CHMP4B: variants seen among roughly 807,000 people sequenced by gnomAD.
CHMP4B encodes the protein charged multivesicular body protein 4B.
In CHMP4B, 1 loss-of-function variant was observed where a neutral mutation model predicts 25.1. That is an observed-to-expected ratio of 0.04 (90% CI 0.01 to 0.19). CHMP4B has a LOEUF of 0.19. CHMP4B is among the 10% of genes least tolerant of loss of function. The pLI is 1.00. For missense variants in CHMP4B, 151 were observed against 289.7 expected (o/e 0.52, Z 3.48); for synonymous variants, 101 against 115.6 (o/e 0.87, Z 0.81).
At chr20:33,841,489 A>C (rs1362101124) in intron 1 of CHMP4B, among the ~76,000 whole-genome samples, 3 of 152,240 alleles carry the variant, frequency 2.0e-5, no homozygotes, top group Non-Finnish European at 4.4e-5. Flanking sequence ...AGCCTGCGAC[A>C]GTGTCAGAGC....
At position 33,853,710 on chromosome 20, in the gene CHMP4B, A is replaced by G. The variant is rs3198248; in HGVS notation, c.*150A>G. ...AAGCAGTAGGGCCGCGTTGCTGCTCACTCTCTGCATAGCATGGTCTGCACC... is the reference window on the plus strand; with the variant it reads ...AAGCAGTAGGGCCGCGTTGCTGCTCGCTCTCTGCATAGCATGGTCTGCACC... On this transcript the variant is annotated 3_prime_UTR_variant, in exon 5 of 5. Coordinates refer to ENST00000217402, the MANE Select transcript of CHMP4B (RefSeq NM_176812.5). 2.4e-6 allele frequency: 1 copy of G among 414,094 alleles called. No homozygotes were observed. Among genetic ancestry groups the G allele is most frequent in the Non-Finnish European group, 4.7e-6 (1 of 213,668 alleles). The allele number at this position is 414,094 out of a possible 1,614,324, so 25.7% of individuals were successfully genotyped here. A position where few individuals can be genotyped will look rare whatever the true frequency, so the allele number is the denominator to read the frequency against.
chr20:33,824,416 G>A (rs1159675175), intron 1 of CHMP4B, among the ~76,000 whole-genome samples: 1 of 152,158 alleles, frequency 6.6e-6, no homozygotes, highest in Non-Finnish European at 1.5e-5. Context: ...TCAGGTTGAG[G>A]AGCACAAGGT....
At chr20:33,824,167 C>CTTA (rs377231120) in intron 1 of CHMP4B, among the ~76,000 whole-genome samples, 190 of 152,262 alleles carry the variant, frequency 1.2e-3, no homozygotes, top group African/African-American at 3.5e-3. Context: ...TCAGAGAAGC[C>CTTA]TTATGTAGGG....
chr20:33,811,493 G>A lies in CHMP4B; in HGVS notation c.25G>A (p.Gly9Arg). The change falls in exon 1 of 5, where the codon GGG (glycine) becomes AGG (arginine). Residue 9 changes from glycine to arginine, a missense_variant. Around this residue, in one of 3 missense-constraint regions of CHMP4B, gnomAD observed 28 missense variants for 30.5 expected, o/e 0.92. Transcript: ENST00000217402. MSVFGKLF[G>R]AGGGKAGKGG... is the part of the protein sequence containing the mutation. ...CATGTCGGTGTTCGGGAAGCTGTTC[G>A]GGGCTGGAGGGGGTAAGGCCGGCAA... The A allele has an allele frequency of 6.3e-7, 1 of 1,585,072 alleles. No homozygotes were observed. Among genetic ancestry groups the A allele is most frequent in the Non-Finnish European group, 8.6e-7 (1 of 1,164,904 alleles).
chr20:33,835,649 T>C (rs1035812232), intron 1 of CHMP4B, among the ~76,000 whole-genome samples: 2 of 152,220 alleles, frequency 1.3e-5, no homozygotes, highest in African/African-American at 4.8e-5. Context: ...TCGATGTAGG[T>C]GTTTAAAAAG....
At chr20:33,822,940 C>T (rs939122062) in intron 1 of CHMP4B, among the ~76,000 whole-genome samples, 1 of 151,808 alleles carries the variant, frequency 6.6e-6, no homozygotes, top group Admixed American at 6.6e-5. Flanking sequence ...AGGTGCCCAC[C>T]ACCACGCCGG....
At chr20:33,821,342 G>A (rs1277075901) in intron 1 of CHMP4B, among the ~76,000 whole-genome samples, 1 of 139,622 alleles carries the variant, frequency 7.2e-6, no homozygotes, top group African/African-American at 2.7e-5. Flanking sequence ...AGCCGAGATT[G>A]TACCACTGTA....
intron 1 of CHMP4B, among the ~76,000 whole-genome samples, chr20:33,819,305 G>A (rs1243689952): frequency 1.3e-5 from 2 of 152,170 alleles, no homozygotes; most frequent in African/African-American, 4.8e-5. Flanking sequence ...AGGCAGGGCC[G>A]AGCCATTTGT....
chr20:33,823,748 T>C (rs1023760431), intron 1 of CHMP4B, among the ~76,000 whole-genome samples: 10 of 152,294 alleles, frequency 6.6e-5, no homozygotes, highest in Admixed American at 1.3e-4. Flanking sequence ...TTGCACGATA[T>C]TGGTTAGGCT....
intron 1 of CHMP4B, among the ~76,000 whole-genome samples, chr20:33,818,487 A>G (rs1381975957): frequency 6.6e-6 from 1 of 152,106 alleles, no homozygotes; most frequent in Non-Finnish European, 1.5e-5. Context: ...CTCTCACACT[A>G]TAGCATAGTC....
intron 4 of CHMP4B, 109 bp from the exon 5 acceptor site, chr20:33,853,387 A>G: frequency 1.0e-6 from 1 of 988,420 alleles, no homozygotes; most frequent in South Asian, 1.3e-5. Context: ...GTCTGGCCAC[A>G]GGGCAGGGCT....
chr20:33,819,885 T>C (rs1601316767), intron 1 of CHMP4B, among the ~76,000 whole-genome samples: 1 of 152,118 alleles, frequency 6.6e-6, no homozygotes, highest in East Asian at 1.9e-4. Context: ...ACGTGGATTC[T>C]GGCCAGGCGT....
At chr20:33,827,114 T>A (rs1979115914) in intron 1 of CHMP4B, among the ~76,000 whole-genome samples, 1 of 152,210 alleles carries the variant, frequency 6.6e-6, no homozygotes. Context: ...CCTGGCCTCC[T>A]GTTAGCTGTC....
At chr20:33,811,963 T>C (rs1432550259) in intron 1 of CHMP4B, among the ~76,000 whole-genome samples, 2 of 152,128 alleles carry the variant, frequency 1.3e-5, no homozygotes, top group Non-Finnish European at 2.9e-5. Flanking sequence ...CTCTTCCGCC[T>C]TTTCCTTCTC....
chr20:33,837,346 G>A (rs1321906756), intron 1 of CHMP4B, among the ~76,000 whole-genome samples: 1 of 151,854 alleles, frequency 6.6e-6, no homozygotes, highest in African/African-American at 2.4e-5. Context: ...GCAAGACCCT[G>A]TCTTACAAAA....
rs1314130697 is a variant in CHMP4B, at chr20:33,853,593, T to C, written c.*33T>C. 2 of 1,593,598 alleles carry C rather than the reference T, an allele frequency of 1.3e-6. No homozygotes were observed. Among genetic ancestry groups the C allele is most frequent in the Non-Finnish European group, 8.6e-7 (1 of 1,161,768 alleles). On this transcript the variant is annotated 3_prime_UTR_variant, in exon 5 of 5. Coordinates refer to ENST00000217402, the MANE Select transcript of CHMP4B (RefSeq NM_176812.5). ...CAGCGCTGGCTGGGCCCAGACAGAC[T>C]GTGGTGGCCTGCGCAGCGAGCAGGC...
chr20:33,825,809 C>T (rs1210451072), intron 1 of CHMP4B, among the ~76,000 whole-genome samples: 3 of 152,130 alleles, frequency 2.0e-5, no homozygotes, highest in African/African-American at 7.2e-5. Context: ...TGACAAGAAC[C>T]ATTGTTCTTA....
At chr20:33,848,766 T>A in intron 2 of CHMP4B, 122 bp downstream of exon 2, 2 of 1,037,052 alleles carry the variant, frequency 1.9e-6, no homozygotes, top group Non-Finnish European at 2.9e-6. Context: ...GAGTTTGTTT[T>A]AATTCTCATT....
chr20:33,842,825 C>G (rs574837668), intron 1 of CHMP4B, among the ~76,000 whole-genome samples: 1 of 152,316 alleles, frequency 6.6e-6, no homozygotes, highest in Admixed American at 6.5e-5. Context: ...TTATTGGGCC[C>G]TCCTTCCCTC....
Sources: allele counts gnomAD v4.1 joint callset (sites outside exome capture counted in the v4.1 genomes callset), GRCh38; gene constraint gnomAD v4.1.1; regional missense constraint gnomAD v4.1.1; transcripts MANE v1.5; gene names NCBI Gene and HGNC (gene_info 2026-07-23, HGNC 2026-07-21).